MICU1: variants seen among roughly 807,000 people sequenced by gnomAD.
The protein encoded by MICU1 is mitochondrial calcium uptake 1, also known as calcium uptake protein 1, mitochondrial.
A neutral mutation model predicts 56.8 loss-of-function variants in MICU1; 45 were observed. The ratio of observed to expected loss-of-function variants is 0.79; its 90% CI spans 0.62 to 1.02. The LOEUF is 1.02. MICU1 is among the 50% of genes least tolerant of loss of function. The probability of loss-of-function intolerance (pLI) is 0.00; values close to 1 mark genes in which losing one functional copy is unlikely to be tolerated. For synonymous variants in MICU1, 186 were observed against 195.1 expected (o/e 0.95, Z 0.39); for missense variants, 504 against 587.1 (o/e 0.86, Z 1.46).
chr10:72,513,004 GGTT>G (rs1390874205), intron 5 of MICU1, among the ~76,000 whole-genome samples: 3 of 152,134 alleles, frequency 2.0e-5, no homozygotes, highest in African/African-American at 4.8e-5. Context: ...ACACTCAGCT[GGTT>G]GTTTTTTGTT....
chr10:72,449,437 TA>T (rs1865227254), intron 8 of MICU1, among the ~76,000 whole-genome samples: 3 of 152,014 alleles, frequency 2.0e-5, no homozygotes, highest in Admixed American at 2.0e-4. Context: ...AGGGTCTCAC[TA>T]TGTTGCCCAG....
At chr10:72,529,747 A>T (rs1839421167) in intron 5 of MICU1, among the ~76,000 whole-genome samples, 1 of 152,152 alleles carries the variant, frequency 6.6e-6, no homozygotes, top group Non-Finnish European at 1.5e-5. Flanking sequence ...CATGAAAGAA[A>T]TATTTAACAA....
intron 6 of MICU1, among the ~76,000 whole-genome samples, chr10:72,498,284 C>T (rs1866912903): frequency 6.6e-6 from 1 of 152,054 alleles, no homozygotes; most frequent in South Asian, 2.1e-4. Flanking sequence ...TAAATGAGGC[C>T]TAAGAAAGAA....
intron 1 of MICU1, among the ~76,000 whole-genome samples, chr10:72,606,739 G>C (rs974766365): frequency 6.6e-6 from 1 of 152,042 alleles, no homozygotes; most frequent in African/African-American, 2.4e-5. Context: ...GTCCCAGAAT[G>C]AGAGGGCTGG....
chr10:72,624,225 C>T (rs1842176983), intron 1 of MICU1, among the ~76,000 whole-genome samples: 1 of 152,110 alleles, frequency 6.6e-6, no homozygotes, highest in Non-Finnish European at 1.5e-5. Context: ...GACAGGGTAT[C>T]GCTCTGTCGC....
chr10:72,404,993 A>G (rs1285504313), intron 10 of MICU1, among the ~76,000 whole-genome samples: 6 of 152,104 alleles, frequency 3.9e-5, no homozygotes, highest in African/African-American at 1.4e-4. Context: ...TGCAACATCC[A>G]TCTCCCGGGT....
intron 3 of MICU1, among the ~76,000 whole-genome samples, chr10:72,555,393 A>C (rs886403280): frequency 1.3e-5 from 2 of 152,244 alleles, no homozygotes; most frequent in African/African-American, 4.8e-5. Context: ...ACTATAAAAA[A>C]AAAACTTAAG....
At chr10:72,477,328 A>C (rs1169512989) in intron 6 of MICU1, 72 bp from the exon 7 acceptor site, 1 of 1,274,518 alleles carries the variant, frequency 7.8e-7, no homozygotes, top group Non-Finnish European at 1.1e-6. Flanking sequence ...GAAAAACAAA[A>C]GGCTAAACAC....
At chr10:72,533,480 G>C (rs1337683978) in intron 5 of MICU1, among the ~76,000 whole-genome samples, 1 of 152,094 alleles carries the variant, frequency 6.6e-6, no homozygotes, top group African/African-American at 2.4e-5. Context: ...TGACTATTGA[G>C]TTAACATTCA....
At chr10:72,439,986 T>C (rs1216256503) in intron 8 of MICU1, among the ~76,000 whole-genome samples, 8 of 152,132 alleles carry the variant, frequency 5.3e-5, no homozygotes, top group African/African-American at 1.2e-4. Context: ...AGGTAATTTA[T>C]AGATTCAATG....
At chr10:72,539,343 C>T (rs113517759) in intron 4 of MICU1, among the ~76,000 whole-genome samples, 9 of 152,152 alleles carry the variant, frequency 5.9e-5, no homozygotes, top group African/African-American at 1.9e-4. Context: ...TGTTAGCCCA[C>T]AAAACAAGTC....
chr10:72,563,038 C>T lies in MICU1; in HGVS notation c.187G>A (p.Val63Ile), dbSNP rs1840339447. The T allele has an allele frequency of 6.3e-7, 1 of 1,587,644 alleles. No individual in the cohort carries two copies. The highest frequency in any genetic ancestry group is 1.4e-5 in the African/African-American group (1 of 73,642). The change falls in exon 3 of 12, where the codon GTA becomes ATA. Residue 63 changes from valine (V) to isoleucine (I), a missense_variant. Physicochemically the swap from Val to Ile is conservative, Grantham distance 29 (BLOSUM62 3). Coordinates refer to ENST00000361114, the MANE Select transcript of MICU1 (RefSeq NM_001195518.2). ...KRAHAESPPCVDNLKSDIGDK... is the reference protein window; with the variant it reads ...KRAHAESPPCIDNLKSDIGDK... ...CCGATGTCACTTTTTAGGTTGTCTA[C>T]ACATGGTGGAGATTCTGCATGGGCC...
At chr10:72,623,677 C>T (rs1842164642) in intron 1 of MICU1, among the ~76,000 whole-genome samples, 1 of 152,090 alleles carries the variant, frequency 6.6e-6, no homozygotes, top group Non-Finnish European at 1.5e-5. Context: ...CCCATCTCTA[C>T]TAAAAATACA....
intron 1 of MICU1, among the ~76,000 whole-genome samples, chr10:72,595,098 T>C (rs1404434845): frequency 6.6e-6 from 1 of 151,914 alleles, no homozygotes; most frequent in Non-Finnish European, 1.5e-5. Flanking sequence ...TCCGTATTTT[T>C]CCATGTGTAA....
At chr10:72,425,990 C>T (rs1864333562) in intron 8 of MICU1, among the ~76,000 whole-genome samples, 1 of 152,046 alleles carries the variant, frequency 6.6e-6, no homozygotes, top group Non-Finnish European at 1.5e-5. Flanking sequence ...ATCCAAAAAC[C>T]CCAAATCTGA....
intron 1 of MICU1, among the ~76,000 whole-genome samples, chr10:72,621,714 T>C (rs907846790): frequency 1.9e-4 from 29 of 152,134 alleles, no homozygotes; most frequent in Admixed American, 9.2e-4. Flanking sequence ...TAATACATAA[T>C]ATATTTAAAG....
intron 8 of MICU1, among the ~76,000 whole-genome samples, chr10:72,456,459 G>A (rs1396166113): frequency 2.0e-5 from 3 of 152,148 alleles, no homozygotes; most frequent in African/African-American, 7.2e-5. Context: ...GAAGCCAGCT[G>A]CCAGGTCATG....
At chr10:72,445,951 T>C (rs1450555906) in intron 8 of MICU1, among the ~76,000 whole-genome samples, 1 of 150,744 alleles carries the variant, frequency 6.6e-6, no homozygotes, top group Non-Finnish European at 1.5e-5. Flanking sequence ...TGCATTTACT[T>C]TTTTTTTTTC....
intron 8 of MICU1, among the ~76,000 whole-genome samples, chr10:72,425,172 G>A (rs1362515817): frequency 6.6e-6 from 1 of 152,180 alleles, no homozygotes; most frequent in Non-Finnish European, 1.5e-5. Context: ...CTTCTTCAAG[G>A]CATGTGAAAC....
Sources: gnomAD v4.1 joint callset for allele counts (sites outside exome capture counted in the v4.1 genomes callset) on GRCh38, gnomAD v4.1.1 for gene constraint, MANE v1.5 for transcripts, NCBI Gene and HGNC (gene_info 2026-07-23, HGNC 2026-07-21) for gene names.